RBFOX1: variants seen among roughly 807,000 people sequenced by gnomAD.
RBFOX1 encodes the protein RNA binding protein fox-1 homolog 1.
Under a neutral mutation model 57.7 loss-of-function variants are expected in RBFOX1, and 8 were observed. The ratio of observed to expected loss-of-function variants is 0.14; its 90% confidence interval spans 0.08 to 0.25. RBFOX1 has a LOEUF of 0.25. Ranked by LOEUF, RBFOX1 falls within the 10% of genes least tolerant of loss-of-function variation. The pLI is 1.00. For synonymous variants in RBFOX1, 326 were observed against 222.4 expected (o/e 1.47, Z -4.15); for missense variants, 611 against 548.5 (o/e 1.11, Z -1.14).
intron 3 of RBFOX1, among the ~76,000 whole-genome samples, chr16:5,608,249 A>T (rs889598163): frequency 1.3e-5 from 2 of 152,180 alleles, no homozygotes; most frequent in Non-Finnish European, 2.9e-5. Flanking sequence ...GGGCACTTTG[A>T]GTCTCAGCTG....
intron 3 of RBFOX1, among the ~76,000 whole-genome samples, chr16:6,987,726 G>C (rs972818277): frequency 7.2e-5 from 11 of 152,140 alleles, no homozygotes; most frequent in African/African-American, 2.4e-4. Flanking sequence ...CATGACCACA[G>C]TTTATTCACC....
At chr16:5,455,061 C>G (rs899391194) in intron 1 of RBFOX1, among the ~76,000 whole-genome samples, 1 of 144,738 alleles carries the variant, frequency 6.9e-6, no homozygotes, top group African/African-American at 2.6e-5. Flanking sequence ...CTTTCTCTGT[C>G]TCTTTCTCTC....
At chr16:7,260,439 C>A (rs951998710) in intron 4 of RBFOX1, among the ~76,000 whole-genome samples, 4 of 152,096 alleles carry the variant, frequency 2.6e-5, no homozygotes, top group Non-Finnish European at 4.4e-5. Context: ...AGCTCCCAAA[C>A]TGTTTTGTTC....
At chr16:6,999,111 C>T (rs546981388) in intron 3 of RBFOX1, among the ~76,000 whole-genome samples, 93 of 150,278 alleles carry the variant, frequency 6.2e-4, no homozygotes, top group African/African-American at 1.9e-3. Flanking sequence ...TCAGGTGATC[C>T]GCCCGCCTCT....
intron 4 of RBFOX1, among the ~76,000 whole-genome samples, chr16:7,245,614 T>G (rs1384624748): frequency 6.6e-6 from 1 of 152,248 alleles, no homozygotes; most frequent in African/African-American, 2.4e-5. Context: ...GTTAAACTTT[T>G]GGAGAGCTAG....
At chr16:6,664,117 A>T (rs541618021) in intron 3 of RBFOX1, among the ~76,000 whole-genome samples, 1 of 152,192 alleles carries the variant, frequency 6.6e-6, no homozygotes, top group Non-Finnish European at 1.5e-5. Context: ...GATCATGTTT[A>T]TGTATGACCT....
chr16:7,522,339 A>G (rs117883354), intron 5 of RBFOX1, among the ~76,000 whole-genome samples: 1 of 152,170 alleles, frequency 6.6e-6, no homozygotes, highest in Non-Finnish European at 1.5e-5. Flanking sequence ...AAGAGGAACT[A>G]TTGAGTAAGA....
At chr16:5,600,318 A>T (rs962687468), downstream of RBFOX1, among the ~76,000 whole-genome samples, 3 of 149,786 alleles carry the variant, frequency 2.0e-5, no homozygotes, top group Non-Finnish European at 4.5e-5. Flanking sequence ...AAAAAAAATA[A>T]AAAAAAAACA....
At chr16:6,988,089 G>A (rs1032476598) in intron 3 of RBFOX1, among the ~76,000 whole-genome samples, 1 of 151,860 alleles carries the variant, frequency 6.6e-6, no homozygotes, top group Non-Finnish European at 1.5e-5. Context: ...GTAAAACCAA[G>A]AATCAAATGT....
chr16:5,357,507 C>G (rs1251767424), intron 1 of RBFOX1, among the ~76,000 whole-genome samples: 1 of 152,172 alleles, frequency 6.6e-6, no homozygotes, highest in African/African-American at 2.4e-5. Context: ...TCAGGATTCC[C>G]CACCAGAATG....
chr16:7,428,848 A>G (rs2098650007), intron 4 of RBFOX1, among the ~76,000 whole-genome samples: 3 of 152,102 alleles, frequency 2.0e-5, no homozygotes, highest in African/African-American at 7.2e-5. Context: ...GGGAATAATG[A>G]TAATGATAAC....
intron 1 of RBFOX1, among the ~76,000 whole-genome samples, chr16:6,101,044 A>G (rs189435405): frequency 2.7e-4 from 41 of 152,314 alleles, no homozygotes; most frequent in African/African-American, 9.1e-4. Flanking sequence ...TTTTACCCCA[A>G]GTCCACCACT....
chr16:6,492,401 C>A (rs560479612), intron 2 of RBFOX1, among the ~76,000 whole-genome samples: 2 of 152,182 alleles, frequency 1.3e-5, no homozygotes, highest in Admixed American at 1.3e-4. Context: ...AACCTCGTCT[C>A]TACTAAAAAT....
chr16:6,717,452 G>C (rs754270213), intron 3 of RBFOX1, among the ~76,000 whole-genome samples: 50 of 152,202 alleles, frequency 3.3e-4, no homozygotes, highest in Middle Eastern at 6.8e-3. Flanking sequence ...TGCATGACAC[G>C]TTTTGGCACT....
chr16:7,518,010 C>T (rs1443317875), intron 4 of RBFOX1, 137 bp from the exon 5 acceptor site: 15 of 1,024,846 alleles, frequency 1.5e-5, no homozygotes, highest in East Asian at 1.0e-4. Context: ...TGAGATTGGT[C>T]CATCTCAGGC....
chr16:5,248,571 A>T (rs1372572397), intron 1 of RBFOX1, among the ~76,000 whole-genome samples: 2 of 152,026 alleles, frequency 1.3e-5, no homozygotes, highest in Non-Finnish European at 2.9e-5. Flanking sequence ...TGAGGATCAG[A>T]GCCCCGGGGC....
chr16:5,940,617 G>C (rs958034739), intron 4 of RBFOX1, among the ~76,000 whole-genome samples: 2 of 152,216 alleles, frequency 1.3e-5, no homozygotes, highest in Non-Finnish European at 2.9e-5. Context: ...AGCACCAAAA[G>C]ACTCCTTCAG....
chr16:6,668,119 T>G (rs1568130356), intron 3 of RBFOX1, among the ~76,000 whole-genome samples: 1 of 152,172 alleles, frequency 6.6e-6, no homozygotes, highest in East Asian at 1.9e-4. Flanking sequence ...TGTAGCTACT[T>G]CTCAATCTGA....
intron 4 of RBFOX1, among the ~76,000 whole-genome samples, chr16:7,339,109 C>A (rs1458722820): frequency 6.6e-6 from 1 of 152,168 alleles, no homozygotes; most frequent in Non-Finnish European, 1.5e-5. Context: ...GATATATAGG[C>A]TCTGGCATTT....
Sources: gnomAD v4.1 joint callset for allele counts (sites outside exome capture counted in the v4.1 genomes callset) on GRCh38, gnomAD v4.1.1 for gene constraint, MANE v1.5 for transcripts, NCBI Gene and HGNC (gene_info 2026-07-23, HGNC 2026-07-21) for gene names.